FAM227A: variants seen among roughly 807,000 people sequenced by gnomAD.
FAM227A encodes family with sequence similarity 227 member A, also known as protein FAM227A.
FAM227A carries 80 observed loss-of-function variants against 74.7 expected under a neutral mutation model. That is an observed-to-expected ratio of 1.07 (90% CI 0.89 to 1.29). The LOEUF (loss-of-function observed/expected upper bound fraction) is 1.29. FAM227A is among the 50% of genes most tolerant of loss of function. The pLI, the probability that FAM227A is intolerant of heterozygous loss-of-function variation, is 0.00. For missense variants in FAM227A, 654 were observed against 683.4 expected (o/e 0.96, Z 0.48); for synonymous variants, 237 against 241.8 (o/e 0.98, Z 0.19).
intron 12 of FAM227A, 52 bp from the exon 13 acceptor site, chr22:38,605,400 G>T: frequency 9.3e-7 from 1 of 1,073,250 alleles, no homozygotes; most frequent in Non-Finnish European, 1.4e-6. Flanking sequence ...AGCAATTCTC[G>T]TGCCTCAGCC....
intron 6 of FAM227A, among the ~76,000 whole-genome samples, chr22:38,632,935 A>G (rs2091940514): frequency 6.6e-6 from 1 of 152,222 alleles, no homozygotes; most frequent in African/African-American, 2.4e-5. Flanking sequence ...AATGGAGATG[A>G]GAACATGAAG....
intron 9 of FAM227A, among the ~76,000 whole-genome samples, chr22:38,624,721 C>T (rs2091761401): frequency 6.6e-6 from 1 of 152,162 alleles, no homozygotes; most frequent in Non-Finnish European, 1.5e-5. Context: ...GCAACACACA[C>T]ATGTTGCTAG....
At chr22:38,627,159 C>A (rs1321450078) in intron 8 of FAM227A, among the ~76,000 whole-genome samples, 1 of 151,484 alleles carries the variant, frequency 6.6e-6, no homozygotes. Flanking sequence ...TTTCTTCTAG[C>A]AATCCTTTTA....
At chr22:38,644,133 G>A (rs1237724725) in intron 3 of FAM227A, among the ~76,000 whole-genome samples, 1 of 123,820 alleles carries the variant, frequency 8.1e-6, no homozygotes, top group Non-Finnish European at 1.6e-5. Context: ...ACGAGAGTGT[G>A]AGACTCCATC....
At chr22:38,588,739 T>C (rs1442666618) in intron 16 of FAM227A, among the ~76,000 whole-genome samples, 1 of 137,936 alleles carries the variant, frequency 7.2e-6, no homozygotes, top group Non-Finnish European at 1.5e-5. Context: ...TGGCTAACAG[T>C]GAAACCCCGT....
chr22:38,642,399 T>C (rs1455952458), intron 3 of FAM227A, among the ~76,000 whole-genome samples: 2 of 152,072 alleles, frequency 1.3e-5, no homozygotes, highest in African/African-American at 4.8e-5. Flanking sequence ...CAAAATCAAA[T>C]GTAAACATAA....
chr22:38,599,043 G>A (rs918926804), intron 14 of FAM227A, among the ~76,000 whole-genome samples: 1 of 148,786 alleles, frequency 6.7e-6, no homozygotes, highest in Non-Finnish European at 1.5e-5. Context: ...TGCAACCTCC[G>A]CCTCCTGGGT....
intron 15 of FAM227A, among the ~76,000 whole-genome samples, chr22:38,592,341 A>ATTCACCTAATGAGAAT (rs1407796244): frequency 2.0e-5 from 3 of 152,194 alleles, no homozygotes; most frequent in African/African-American, 7.2e-5. Flanking sequence ...CTTTACTACA[A>ATTCACCTAATGAGAAT]TTCACCTAAT....
At chr22:38,613,312 C>CATATAAT (rs1188715048) in intron 11 of FAM227A, among the ~76,000 whole-genome samples, 1 of 56,542 alleles carries the variant, frequency 1.8e-5, no homozygotes, top group African/African-American at 8.8e-5. Flanking sequence ...TAATATATAA[C>CATATAAT]ATATAATATA....
chr22:38,601,188 A>T (rs1176953329), intron 13 of FAM227A, among the ~76,000 whole-genome samples: 2 of 152,162 alleles, frequency 1.3e-5, no homozygotes, highest in African/African-American at 4.8e-5. Flanking sequence ...GAATAACATG[A>T]TATGATGAAT....
At chr22:38,632,782 C>T (rs2091938211) in intron 6 of FAM227A, among the ~76,000 whole-genome samples, 1 of 152,188 alleles carries the variant, frequency 6.6e-6, no homozygotes, top group Non-Finnish European at 1.5e-5. Flanking sequence ...AGGGAGTTGT[C>T]CTCTGGGTCA....
intron 14 of FAM227A, 111 bp from the exon 15 acceptor site, chr22:38,597,467 GA>G: frequency 1.9e-6 from 2 of 1,032,318 alleles, no homozygotes; most frequent in Non-Finnish European, 2.9e-6. Flanking sequence ...ACAGAACAGG[GA>G]AAATGCCCTG....
chr22:38,650,266 G>T lies in FAM227A; in HGVS notation c.-94-4C>A. 7.9e-7 allele frequency: 1 copy of T among 1,258,702 alleles called. No individual in the cohort carries two copies. The highest frequency in any genetic ancestry group is 1.1e-6 in the Non-Finnish European group (1 of 902,542). The allele number at this position is 1,258,702 out of a possible 1,614,324, so 78.0% of individuals were successfully genotyped here. On this transcript the variant is annotated splice_polypyrimidine_tract_variant and splice_region_variant and intron_variant, in intron 1 of 16. Transcript: ENST00000535113. ...TGTCGTTTGTTTAATCAGCCTCCTG[G>T]AAATCATAAACAGCATAGAGCCAGC...
At chr22:38,630,106 T>G (rs1489625285) in intron 6 of FAM227A, among the ~76,000 whole-genome samples, 3 of 142,408 alleles carry the variant, frequency 2.1e-5, no homozygotes, top group African/African-American at 8.0e-5. Context: ...TCTTTAACCA[T>G]CACTCACACA....
intron 2 of FAM227A, among the ~76,000 whole-genome samples, chr22:38,646,924 G>T (rs1183144777): frequency 6.6e-6 from 1 of 151,970 alleles, no homozygotes; most frequent in Non-Finnish European, 1.5e-5. Flanking sequence ...GCTGAGGCGG[G>T]CAGATCACGA....
In FAM227A at chr22:38,597,341, C is replaced by T. The variant is rs754252909; in HGVS notation, c.1395G>A (p.Thr465=). 2.8e-5 allele frequency: 43 copies of T among 1,551,772 alleles called. No homozygotes were observed. The East Asian group carries it at 3.7e-4, about 13-fold the overall frequency. Residue 465 remains threonine (T), a synonymous_variant, in exon 15 of 17, where the codon ACG becomes ACA. Transcript: ENST00000535113. ...KTTSTPDCTP[T]YTDVISETLC... ...GGGTCTCGCTGATGACATCAGTATA[C>T]GTTGGGGTGCAGTCAGTGGCTTCCG...
At chr22:38,630,497 AAC>A (rs900437148) in intron 6 of FAM227A, among the ~76,000 whole-genome samples, 1 of 152,182 alleles carries the variant, frequency 6.6e-6, no homozygotes, top group Non-Finnish European at 1.5e-5. Context: ...TCTTTCACAA[AAC>A]ACATGGAGAT....
rs1413972787 is a variant in FAM227A at position 38,607,433 on chromosome 22, T to C, written c.1082A>G (p.Lys361Arg). The change falls in exon 12 of 17, where the codon AAG becomes AGG. Residue 361 changes from lysine (K) to arginine (R), a missense_variant. By Grantham distance (26) the Lys-to-Arg change is conservative. Coordinates refer to ENST00000535113, the MANE Select transcript of FAM227A (RefSeq NM_001013647.2). ...NSPSEKTSSA[K>R]QNSEKSLRMQ... ...TCGTAAGCTTTTTTCTGAGTTCTGC[T>C]TGGCCGAAGAGGTTTTTTCACTGGG... 1 of 1,551,514 alleles carries C rather than the reference T, an allele frequency of 6.4e-7. No individual in the cohort carries two copies. Among genetic ancestry groups the C allele is most frequent in the South Asian group, 1.2e-5 (1 of 84,060 alleles).
chr22:38,619,183 C>A (rs942279596), intron 11 of FAM227A, among the ~76,000 whole-genome samples: 2 of 152,024 alleles, frequency 1.3e-5, no homozygotes, highest in African/African-American at 4.8e-5. Context: ...TGAGGCAGGA[C>A]CCCTGAGAGC....
Sources: gnomAD v4.1 joint callset for allele counts (sites outside exome capture counted in the v4.1 genomes callset) on GRCh38, gnomAD v4.1.1 for gene constraint, MANE v1.5 for transcripts, NCBI Gene and HGNC (gene_info 2026-07-23, HGNC 2026-07-21) for gene names.